The following EYS variants were observed in gnomAD, a reference collection of about 807,000 sequenced individuals.
The protein encoded by EYS is EGF-like photoreceptor maintenance factor.
EYS carries 250 observed loss-of-function variants against 282.1 expected under a neutral mutation model. The observed-to-expected ratio is 0.89, with a 90% CI of 0.80 to 0.98. The LOEUF (loss-of-function observed/expected upper bound fraction) is 0.98, where lower values mean the gene tolerates loss of function less well. Ranked by LOEUF, EYS falls within the 50% of genes least tolerant of loss-of-function variation. The pLI is 0.00. For missense variants in EYS, 4,016 were observed against 3,709.0 expected, an observed-to-expected ratio of 1.08 and a Z score of -2.15; for synonymous variants, 1,355 against 1,282.9, an observed-to-expected ratio of 1.06 and a Z score of -1.20.
chr6:64,133,515 CAG>C (rs879398649), intron 31 of EYS, among the ~76,000 whole-genome samples: 6 of 149,610 alleles, frequency 4.0e-5, no homozygotes, highest in African/African-American at 1.0e-4. Context: ...CACACACACA[CAG>C]AGAAATCCAT....
At chr6:64,039,294 A>C (rs1322442113) in intron 33 of EYS, among the ~76,000 whole-genome samples, 1 of 152,214 alleles carries the variant, frequency 6.6e-6, no homozygotes. Context: ...GATGGTTACT[A>C]AAGAAGAAAA....
chr6:65,377,902 G>A (rs1765438925), intron 8 of EYS, among the ~76,000 whole-genome samples: 1 of 152,018 alleles, frequency 6.6e-6, no homozygotes, highest in Non-Finnish European at 1.5e-5. Context: ...TGAAATTGAG[G>A]CATTAATTAA....
At chr6:65,185,630 A>G (rs1765499550) in intron 12 of EYS, among the ~76,000 whole-genome samples, 1 of 151,844 alleles carries the variant, frequency 6.6e-6, no homozygotes, top group African/African-American at 2.4e-5. Context: ...CAAAGAAGCC[A>G]TGAAGACTAT....
At chr6:65,456,447 T>C (rs961777002) in intron 5 of EYS, among the ~76,000 whole-genome samples, 6 of 125,412 alleles carry the variant, frequency 4.8e-5, no homozygotes, top group South Asian at 2.5e-4. Context: ...AGACTCTGTC[T>C]CAAAAAAAAA....
chr6:64,583,304 A>G (rs1766133430), intron 26 of EYS, among the ~76,000 whole-genome samples: 1 of 152,070 alleles, frequency 6.6e-6, no homozygotes, highest in African/African-American at 2.4e-5. Context: ...ACATTATTCA[A>G]AAAAAACCCT....
rs1423331164 is a variant in EYS, at chr6:65,440,917, G to GTA, written c.863-35552_863-35551dup. On this transcript the variant is annotated intron_variant, in intron 5 of 42. Transcript: ENST00000503581. ...TTTATGTATAATATATATATAAACA[G>GTA]TATATATATAAAAAACAGTGTCTGT... Among the ~76,000 whole-genome samples, 9 of 145,344 alleles carry GTA rather than the reference G, an allele frequency of 6.2e-5. No individual in the cohort carries two copies. The East Asian group carries it at 1.8e-3, about 29-fold the overall frequency.
chr6:64,571,642 A>G (rs1054766694), intron 26 of EYS, among the ~76,000 whole-genome samples: 2 of 152,246 alleles, frequency 1.3e-5, no homozygotes, highest in African/African-American at 4.8e-5. Flanking sequence ...AGAGAATGCT[A>G]TAAACGTCTC....
chr6:65,086,879 A>G (rs1383298817), intron 12 of EYS, among the ~76,000 whole-genome samples: 2 of 151,726 alleles, frequency 1.3e-5, no homozygotes, highest in African/African-American at 4.8e-5. Flanking sequence ...GCTGGAGTGC[A>G]GTGGCACGAA....
chr6:65,418,084 A>C (rs1296711314), intron 5 of EYS, among the ~76,000 whole-genome samples: 1 of 152,018 alleles, frequency 6.6e-6, no homozygotes, highest in African/African-American at 2.4e-5. Flanking sequence ...TGTGAGGTAT[A>C]ATTTTTGGAA....
At chr6:64,548,359 C>T (rs1011841223) in intron 26 of EYS, among the ~76,000 whole-genome samples, 9 of 152,164 alleles carry the variant, frequency 5.9e-5, no homozygotes, top group Non-Finnish European at 1.0e-4. Flanking sequence ...AATCATGCTG[C>T]TATAAAGACA....
chr6:64,615,711 C>G (rs1159603449), intron 24 of EYS, among the ~76,000 whole-genome samples: 1 of 152,082 alleles, frequency 6.6e-6, no homozygotes, highest in Non-Finnish European at 1.5e-5. Flanking sequence ...TCTCCCTTAT[C>G]TCATTGTAGC....
At chr6:64,345,617 A>T (rs1216024804) in intron 29 of EYS, among the ~76,000 whole-genome samples, 6 of 152,068 alleles carry the variant, frequency 3.9e-5, no homozygotes, top group African/African-American at 1.4e-4. Flanking sequence ...AACCTAGGCA[A>T]TATCATTCAG....
intron 18 of EYS, among the ~76,000 whole-genome samples, chr6:64,893,835 C>CGT (rs1554215285): frequency 6.6e-6 from 1 of 151,316 alleles, no homozygotes; most frequent in Non-Finnish European, 1.5e-5. Context: ...TATGCACACA[C>CGT]ATATATGTAC....
chr6:64,099,832 A>G (rs1277497848), intron 31 of EYS, among the ~76,000 whole-genome samples: 1 of 152,186 alleles, frequency 6.6e-6, no homozygotes, highest in Non-Finnish European at 1.5e-5. Flanking sequence ...CTGGCACACT[A>G]AGAATAACAT....
chr6:65,401,681 A>G (rs971253263), intron 7 of EYS, among the ~76,000 whole-genome samples: 2 of 151,916 alleles, frequency 1.3e-5, no homozygotes, highest in African/African-American at 2.4e-5. Flanking sequence ...TTCCTTTGAA[A>G]TAGATTAAAG....
chr6:65,324,818 A>G (rs1769574499), intron 11 of EYS, among the ~76,000 whole-genome samples: 2 of 152,232 alleles, frequency 1.3e-5, no homozygotes, highest in Non-Finnish European at 2.9e-5. Flanking sequence ...TCCTTTGGTC[A>G]TGAGAGTCAG....
At chr6:63,792,248 A>G (rs1209156036) in intron 37 of EYS, among the ~76,000 whole-genome samples, 1 of 151,834 alleles carries the variant, frequency 6.6e-6, no homozygotes, top group East Asian at 2.0e-4. Flanking sequence ...AGCAGATGAT[A>G]GCATACTATT....
At chr6:65,090,105 G>A (rs1774512959) in intron 12 of EYS, among the ~76,000 whole-genome samples, 1 of 152,062 alleles carries the variant, frequency 6.6e-6, no homozygotes, top group African/African-American at 2.4e-5. Flanking sequence ...GTCAGGGGCA[G>A]AATGATATGC....
intron 11 of EYS, among the ~76,000 whole-genome samples, chr6:65,327,870 C>T (rs1582145419): frequency 6.6e-6 from 1 of 151,354 alleles, no homozygotes; most frequent in African/African-American, 2.4e-5. Flanking sequence ...ATTAGACACT[C>T]AAGTAGGATG....
Sources: gnomAD v4.1 joint callset for allele counts (sites outside exome capture counted in the v4.1 genomes callset) on GRCh38, gnomAD v4.1.1 for gene constraint, MANE v1.5 for transcripts, NCBI Gene and HGNC (gene_info 2026-07-23, HGNC 2026-07-21) for gene names.